ARHGEF38: variants seen among roughly 807,000 people sequenced by gnomAD.
The protein encoded by ARHGEF38 is Rho guanine nucleotide exchange factor (GEF) 38.
ARHGEF38 carries 79 observed loss-of-function variants against 79.9 expected under a neutral mutation model. The observed-to-expected ratio is 0.99, with a 90% CI of 0.82 to 1.19. ARHGEF38 has a LOEUF of 1.19. Among genes scored for constraint, ARHGEF38 ranks in the 50% most tolerant of loss-of-function variants. The pLI is 0.00. For missense variants in ARHGEF38, 962 were observed against 907.2 expected (o/e 1.06, Z -0.78); for synonymous variants, 366 against 328.3 (o/e 1.11, Z -1.24).
chr4:105,573,873 T>A (rs1726356243), intron 1 of ARHGEF38, among the ~76,000 whole-genome samples: 1 of 152,156 alleles, frequency 6.6e-6, no homozygotes, highest in Non-Finnish European at 1.5e-5. Context: ...TCTCATGTAT[T>A]TATATCTTTA....
At chr4:105,570,480 C>T (rs865778942) in intron 1 of ARHGEF38, among the ~76,000 whole-genome samples, 17 of 152,216 alleles carry the variant, frequency 1.1e-4, no homozygotes, top group Middle Eastern at 3.4e-3. Flanking sequence ...CAGAGTTCCA[C>T]AGGGCTGGGG....
intron 13 of ARHGEF38, among the ~76,000 whole-genome samples, chr4:105,677,480 A>T (rs553085101): frequency 1.3e-5 from 2 of 152,352 alleles, no homozygotes; most frequent in African/African-American, 4.8e-5. Flanking sequence ...ACATTTTAAC[A>T]TTATTAAAAA....
intron 2 of ARHGEF38, among the ~76,000 whole-genome samples, chr4:105,591,405 A>G (rs1238438501): frequency 6.6e-6 from 1 of 151,992 alleles, no homozygotes; most frequent in African/African-American, 2.4e-5. Flanking sequence ...ATTTTTCTGT[A>G]TATTTAGTAG....
At chr4:105,586,657 T>C (rs1445319114) in intron 1 of ARHGEF38, among the ~76,000 whole-genome samples, 1 of 152,174 alleles carries the variant, frequency 6.6e-6, no homozygotes, top group Non-Finnish European at 1.5e-5. Flanking sequence ...AACTTCCTTC[T>C]CCTTGCTAGG....
chr4:105,610,644 C>T (rs564041853), intron 2 of ARHGEF38, among the ~76,000 whole-genome samples: 6 of 152,160 alleles, frequency 3.9e-5, no homozygotes, highest in South Asian at 4.1e-4. Context: ...GATATGAATT[C>T]ATTTTATGAT....
chr4:105,592,497 G>A (rs1727387747), intron 2 of ARHGEF38, among the ~76,000 whole-genome samples: 1 of 150,942 alleles, frequency 6.6e-6, no homozygotes, highest in African/African-American at 2.4e-5. Flanking sequence ...AATTTCTATG[G>A]GTCCTTCATT....
chr4:105,649,838 G>C (rs1364173705), intron 7 of ARHGEF38, among the ~76,000 whole-genome samples: 1 of 152,188 alleles, frequency 6.6e-6, no homozygotes, highest in Non-Finnish European at 1.5e-5. Context: ...ATATTTGCAG[G>C]AGTCAGCACA....
chr4:105,584,659 C>A (rs1029192860), intron 1 of ARHGEF38, among the ~76,000 whole-genome samples: 2 of 152,108 alleles, frequency 1.3e-5, no homozygotes, highest in Non-Finnish European at 2.9e-5. Context: ...CTATCTATAG[C>A]TATAGCTATT....
Position 105,649,936 on chromosome 4 carries a change from G to A in ARHGEF38, c.1008+1254G>A, listed in dbSNP as rs147137722. 2.9e-3 allele frequency among the ~76,000 whole-genome samples: 436 copies of A among 152,254 alleles called. 4 individuals are homozygous for A. Among genetic ancestry groups the A allele is most frequent in the Middle Eastern group, 0.014 (4 of 294 alleles). ...CCACTTAGTAAATGTTTGTTTGGGG[G>A]CACATAACAAATTCAATGTAATCAT... On this transcript the variant is annotated intron_variant, in intron 7 of 13. Coordinates refer to ENST00000420470, the MANE Select transcript of ARHGEF38 (RefSeq NM_001242729.2).
chr4:105,565,709 T>A (rs1320755896), intron 1 of ARHGEF38, among the ~76,000 whole-genome samples: 2 of 152,176 alleles, frequency 1.3e-5, no homozygotes, highest in African/African-American at 2.4e-5. Context: ...ATTAGCTTCC[T>A]TTTTTTATAT....
chr4:105,572,273 A>G (rs921284189), intron 1 of ARHGEF38, among the ~76,000 whole-genome samples: 1 of 152,170 alleles, frequency 6.6e-6, no homozygotes, highest in Non-Finnish European at 1.5e-5. Context: ...AACTGTTAAA[A>G]TTTTGGAAAA....
At chr4:105,581,210 C>T (rs957715369) in intron 1 of ARHGEF38, among the ~76,000 whole-genome samples, 1 of 152,042 alleles carries the variant, frequency 6.6e-6, no homozygotes, top group African/African-American at 2.4e-5. Context: ...AATGCCTTTT[C>T]TTTGAAGATT....
intron 4 of ARHGEF38, 49 bp downstream of exon 4, chr4:105,631,094 A>G (rs752413604): frequency 1.9e-6 from 3 of 1,565,446 alleles, no homozygotes; most frequent in African/African-American, 1.4e-5. Flanking sequence ...GTTGCCTAGC[A>G]GGGAACATTT....
intron 9 of ARHGEF38, among the ~76,000 whole-genome samples, chr4:105,658,771 A>C (rs1407162309): frequency 2.6e-5 from 4 of 152,220 alleles, no homozygotes; most frequent in Non-Finnish European, 5.9e-5. Context: ...AAGACTGTAG[A>C]GAAAAAAGTG....
intron 2 of ARHGEF38, among the ~76,000 whole-genome samples, chr4:105,594,165 A>C (rs1727468937): frequency 6.6e-6 from 1 of 152,098 alleles, no homozygotes; most frequent in South Asian, 2.1e-4. Flanking sequence ...CCACTTCTCA[A>C]AACTTTTAAC....
At chr4:105,557,169 TTAAA>T (rs1366245181) in intron 1 of ARHGEF38, among the ~76,000 whole-genome samples, 1 of 152,056 alleles carries the variant, frequency 6.6e-6, no homozygotes, top group Non-Finnish European at 1.5e-5. Context: ...TATGCCTAAT[TTAAA>T]TAGTTATACA....
intron 3 of ARHGEF38, among the ~76,000 whole-genome samples, chr4:105,619,967 G>C (rs1489895838): frequency 6.6e-6 from 1 of 152,186 alleles, no homozygotes; most frequent in African/African-American, 2.4e-5. Context: ...ATTCACAGCT[G>C]TAGTGCCAAA....
At chr4:105,559,050 G>GAAA (rs397820180) in intron 1 of ARHGEF38, among the ~76,000 whole-genome samples, 1 of 147,416 alleles carries the variant, frequency 6.8e-6, no homozygotes. Context: ...CACAGGAAAA[G>GAAA]AAAAAAAAAA....
At chr4:105,566,229 G>T (rs188502534) in intron 1 of ARHGEF38, among the ~76,000 whole-genome samples, 1,615 of 151,938 alleles carry the variant, frequency 0.011, 17 homozygotes, top group Middle Eastern at 0.062. Context: ...ATCTTTTTTT[G>T]CCACCAAGCC....
Sources: gnomAD v4.1 joint callset for allele counts (sites outside exome capture counted in the v4.1 genomes callset) on GRCh38, gnomAD v4.1.1 for gene constraint, MANE v1.5 for transcripts, NCBI Gene and HGNC (gene_info 2026-07-23, HGNC 2026-07-21) for gene names.